SND1: variants seen among roughly 807,000 people sequenced by gnomAD.
SND1 encodes the protein staphylococcal nuclease and tudor domain containing 1.
Under a neutral mutation model 121.7 loss-of-function variants are expected in SND1, and 38 were observed. That is an observed-to-expected ratio of 0.31 (90% CI 0.24 to 0.41). The LOEUF (loss-of-function observed/expected upper bound fraction) is 0.41. Ranked by LOEUF, SND1 falls within the 10% of genes least tolerant of loss-of-function variation. The pLI, the probability that SND1 is intolerant of heterozygous loss-of-function variation, is 1.00. For synonymous variants in SND1, 401 were observed against 447.4 expected, an observed-to-expected ratio of 0.90 and a Z score of 1.31; for missense variants, 868 against 1,184.6, an observed-to-expected ratio of 0.73 and a Z score of 3.92.
chr7:127,735,473 G>C (rs1796758688), intron 10 of SND1, among the ~76,000 whole-genome samples: 2 of 152,182 alleles, frequency 1.3e-5, no homozygotes, highest in Non-Finnish European at 2.9e-5. Flanking sequence ...AGCACTTTGG[G>C]AGGCCGAGAG....
chr7:127,859,310 C>T (rs545396410), intron 12 of SND1, among the ~76,000 whole-genome samples: 5 of 152,302 alleles, frequency 3.3e-5, no homozygotes, highest in African/African-American at 1.2e-4. Context: ...CTTGTCATCA[C>T]AGCTGCCTAG....
chr7:127,700,716 C>T (rs1008015243), intron 4 of SND1, among the ~76,000 whole-genome samples: 6 of 152,140 alleles, frequency 3.9e-5, no homozygotes, highest in African/African-American at 1.2e-4. Context: ...TAGCAGTGTT[C>T]ATTCCACATT....
intron 1 of SND1, among the ~76,000 whole-genome samples, chr7:127,653,267 T>C (rs957648459): frequency 2.0e-5 from 3 of 152,218 alleles, no homozygotes; most frequent in Non-Finnish European, 4.4e-5. Flanking sequence ...AATTTACTCC[T>C]AGCTCCATGA....
chr7:127,732,910 G>A (rs1796704804), intron 10 of SND1, among the ~76,000 whole-genome samples: 1 of 152,144 alleles, frequency 6.6e-6, no homozygotes, highest in South Asian at 2.1e-4. Flanking sequence ...GTAATGTCAG[G>A]TTTCAACTTT....
At chr7:127,745,934 G>C (rs1348411507) in intron 10 of SND1, among the ~76,000 whole-genome samples, 2 of 152,204 alleles carry the variant, frequency 1.3e-5, no homozygotes, top group African/African-American at 2.4e-5. Context: ...CCTAACTTCA[G>C]CTGCCCTCTG....
intron 14 of SND1, among the ~76,000 whole-genome samples, chr7:127,905,915 G>T (rs1050349590): frequency 6.6e-6 from 1 of 152,174 alleles, no homozygotes; most frequent in African/African-American, 2.4e-5. Flanking sequence ...CTCAGCCTAG[G>T]CTGCAGGAGA....
chr7:128,028,749 A>G, intron 16 of SND1: 2 of 1,614,064 alleles, frequency 1.2e-6, no homozygotes, highest in East Asian at 2.2e-5. Flanking sequence ...GATAGTGGTG[A>G]CTGTGGGGTG....
chr7:127,949,095 C>T (rs1801400682), intron 15 of SND1: 1 of 152,216 alleles, frequency 6.6e-6, no homozygotes, highest in South Asian at 2.1e-4. Context: ...AGAACCTTAA[C>T]TTTTGCATTC....
intron 16 of SND1, among the ~76,000 whole-genome samples, chr7:128,057,434 GA>G (rs2117029561): frequency 6.6e-6 from 1 of 152,278 alleles, no homozygotes; most frequent in African/African-American, 2.4e-5. Flanking sequence ...TTTCTCATAG[GA>G]AGCCCAGAGG....
intron 14 of SND1, 98 bp downstream of exon 14, chr7:127,904,917 C>T (rs986494798): frequency 6.0e-5 from 48 of 793,680 alleles, no homozygotes; most frequent in Non-Finnish European, 9.4e-5. Flanking sequence ...TTCTCTAGCT[C>T]GCTCCTTTTC....
At chr7:127,674,654 A>G (rs1250747994) in intron 1 of SND1, among the ~76,000 whole-genome samples, 1 of 152,256 alleles carries the variant, frequency 6.6e-6, no homozygotes, top group Non-Finnish European at 1.5e-5. Flanking sequence ...AGTCACCCTT[A>G]AAATAAGGAC....
At chr7:128,044,736 A>G (rs1792917263) in intron 16 of SND1, among the ~76,000 whole-genome samples, 1 of 150,590 alleles carries the variant, frequency 6.6e-6, no homozygotes, top group Non-Finnish European at 1.5e-5. Context: ...CATTTTTGAA[A>G]TGGTTTTGCT....
chr7:127,682,661 A>G (rs1317964597), intron 1 of SND1, among the ~76,000 whole-genome samples: 2 of 152,226 alleles, frequency 1.3e-5, no homozygotes, highest in Non-Finnish European at 2.9e-5. Context: ...TTTCTTCTCA[A>G]TCTTAACATT....
At chr7:127,834,396 G>A (rs905726699) in intron 11 of SND1, among the ~76,000 whole-genome samples, 4 of 152,318 alleles carry the variant, frequency 2.6e-5, no homozygotes, top group African/African-American at 9.6e-5. Context: ...GTGTGTAATT[G>A]TAGGCCAAGG....
intron 16 of SND1, among the ~76,000 whole-genome samples, chr7:128,074,028 A>G (rs1414454138): frequency 6.6e-6 from 1 of 152,030 alleles, no homozygotes; most frequent in Admixed American, 6.5e-5. Flanking sequence ...CCTGCTTTTC[A>G]TGCAACCACT....
At chr7:127,967,494 C>T (rs1801881166) in intron 15 of SND1, among the ~76,000 whole-genome samples, 1 of 152,188 alleles carries the variant, frequency 6.6e-6, no homozygotes, top group African/African-American at 2.4e-5. Context: ...GATGTACTCC[C>T]TTCCTGATTT....
chr7:127,918,233 AT>A (rs921959845), intron 14 of SND1, among the ~76,000 whole-genome samples: 131 of 141,948 alleles, frequency 9.2e-4, no homozygotes, highest in Non-Finnish European at 1.5e-3. Context: ...TAATTTTTGT[AT>A]TTTTTTTTTT....
At chr7:127,933,678 G>T (rs1314653193) in intron 15 of SND1, among the ~76,000 whole-genome samples, 1 of 152,202 alleles carries the variant, frequency 6.6e-6, no homozygotes, top group African/African-American at 2.4e-5. Context: ...CAATAAATAT[G>T]ATCCTTCCCC....
intron 12 of SND1, chr7:127,857,904 G>A (rs1031183147): frequency 4.3e-6 from 6 of 1,394,078 alleles, no homozygotes; most frequent in Non-Finnish European, 6.1e-6. Context: ...CACGAAGGGG[G>A]TCCAGCTTCC....
Sources: gnomAD v4.1 joint callset for allele counts (sites outside exome capture counted in the v4.1 genomes callset) on GRCh38, gnomAD v4.1.1 for gene constraint, MANE v1.5 for transcripts, NCBI Gene and HGNC (gene_info 2026-07-23, HGNC 2026-07-21) for gene names.